Variants in USP49 observed in about 807,000 individuals in gnomAD.
The protein encoded by USP49 is ubiquitin carboxyl-terminal hydrolase 49.
A neutral mutation model predicts 58.6 loss-of-function variants in USP49; 24 were observed. The observed-to-expected ratio is 0.41, with a 90% CI of 0.30 to 0.58. USP49 has a LOEUF of 0.58. USP49 is among the 20% of genes least tolerant of loss of function. The probability of loss-of-function intolerance (pLI) is 0.30; values close to 1 mark genes in which losing one functional copy is unlikely to be tolerated. For missense variants in USP49, 703 were observed against 866.1 expected (o/e 0.81, Z 2.36); for synonymous variants, 408 against 365.1 (o/e 1.12, Z -1.34).
chr6:41,883,682 C>A (rs780922332), intron 2 of USP49, among the ~76,000 whole-genome samples: 1 of 151,724 alleles, frequency 6.6e-6, no homozygotes, highest in African/African-American at 2.4e-5. Context: ...TACTAAAAGG[C>A]CAAAATTAGA....
At chr6:41,840,105 T>C (rs2127346265) in intron 3 of USP49, among the ~76,000 whole-genome samples, 1 of 151,432 alleles carries the variant, frequency 6.6e-6, no homozygotes, top group East Asian at 1.9e-4. Flanking sequence ...CCGGGCACGG[T>C]GGCTCATGCC....
At position 41,796,300 on chromosome 6, in the gene USP49, G is replaced by A; in HGVS notation, c.*233C>T. Reference sequence around the variant, plus strand: ...TATATTCAGAAGCAACTGATGAAAGGATCTTCATAGAAGTTACTTCTTTTG... The same window carrying A: ...TATATTCAGAAGCAACTGATGAAAGAATCTTCATAGAAGTTACTTCTTTTG... On this transcript the variant is annotated 3_prime_UTR_variant, in exon 8 of 8. Coordinates refer to ENST00000682992, the MANE Select transcript of USP49 (RefSeq NM_001286554.2). The A allele has an allele frequency of 2.3e-6, 1 of 443,430 alleles. No individual in the cohort carries two copies. Among genetic ancestry groups the A allele is most frequent in the South Asian group, 4.4e-5 (1 of 22,866 alleles). 27.5% of individuals were successfully genotyped at this position (443,430 alleles called of 1,614,324 possible).
At chr6:41,844,884 G>C (rs1395498943) in intron 3 of USP49, among the ~76,000 whole-genome samples, 1 of 151,892 alleles carries the variant, frequency 6.6e-6, no homozygotes, top group Admixed American at 6.6e-5. Flanking sequence ...AGATTTCTGG[G>C]GTTTTTTGTT....
intron 6 of USP49, 57 bp from the exon 7 acceptor site, chr6:41,798,986 A>G: frequency 6.4e-7 from 1 of 1,566,540 alleles, no homozygotes; most frequent in Admixed American, 2.0e-5. Context: ...AATCGTAGGT[A>G]GAGGTAGGTA....
At chr6:41,893,347 T>C (rs952173985) in intron 1 of USP49, among the ~76,000 whole-genome samples, 1 of 152,186 alleles carries the variant, frequency 6.6e-6, no homozygotes, top group East Asian at 1.9e-4. Context: ...CCCAGTAAAC[T>C]TCCTTGGTTG....
chr6:41,806,990 T>C lies in USP49; in HGVS notation c.-7A>G, dbSNP rs766715124. The C allele has an allele frequency of 3.1e-5, 46 of 1,488,980 alleles. No homozygotes were observed. Among genetic ancestry groups the C allele is most frequent in the East Asian group, 1.2e-4 (5 of 42,184 alleles). 92.2% of individuals were successfully genotyped at this position (1,488,980 alleles called of 1,614,324 possible). On this transcript the variant is annotated 5_prime_UTR_variant, in exon 4 of 8. Coordinates refer to ENST00000682992, the MANE Select transcript of USP49 (RefSeq NM_001286554.2). This position sits in a 1 kb window ranked among gnomAD's most constrained non-coding sequence, Gnocchi z 5.9. ...CATGTTTGCATCTATCCATGTCTTA[T>C]AGAAGTCGCCACTTTCTCAACCTGG...
chr6:41,868,251 G>A (rs1774354872), intron 3 of USP49, among the ~76,000 whole-genome samples: 1 of 152,186 alleles, frequency 6.6e-6, no homozygotes, highest in Admixed American at 6.5e-5. Context: ...ATGAATAAAT[G>A]AGTAAAGCAC....
At chr6:41,798,219 C>T in intron 7 of USP49, 1 of 163,148 alleles carries the variant, frequency 6.1e-6, no homozygotes, top group South Asian at 1.6e-4. Flanking sequence ...ATTCTTAGAA[C>T]AACCATATGT....
chr6:41,885,455 A>C (rs1281319784), intron 2 of USP49, among the ~76,000 whole-genome samples: 1 of 152,202 alleles, frequency 6.6e-6, no homozygotes, highest in African/African-American at 2.4e-5. Context: ...ACAGCTGCCT[A>C]TAAGGCTCTA....
chr6:41,798,492 T>G (rs572984623), intron 7 of USP49: 481 of 1,241,934 alleles, frequency 3.9e-4, no homozygotes, highest in Non-Finnish European at 4.9e-4. Flanking sequence ...GCCAGGCTGG[T>G]CTCGAACTCC....
intron 2 of USP49, among the ~76,000 whole-genome samples, chr6:41,888,948 G>A (rs1436392584): frequency 2.0e-5 from 3 of 151,912 alleles, no homozygotes; most frequent in East Asian, 3.9e-4. Context: ...AGGTTTATTT[G>A]GGGGGAAGGT....
intron 3 of USP49, among the ~76,000 whole-genome samples, chr6:41,870,563 G>C (rs896776331): frequency 1.3e-5 from 2 of 151,572 alleles, no homozygotes; most frequent in Non-Finnish European, 2.9e-5. Context: ...TTTTAAGAAG[G>C]TCTTGCTCTG....
chr6:41,798,550 A>G (rs918674457), intron 7 of USP49, 174 bp downstream of exon 7: 3 of 1,519,566 alleles, frequency 2.0e-6, no homozygotes, highest in Non-Finnish European at 2.7e-6. Flanking sequence ...CGCTAGGATT[A>G]CAGGTGTGAG....
chr6:41,802,451 TATTTATTTATTTATTTA>T (rs1385336747), intron 5 of USP49, among the ~76,000 whole-genome samples: 31 of 88,394 alleles, frequency 3.5e-4, no homozygotes, highest in Admixed American at 5.9e-4. Flanking sequence ...TTTATTTATT[TATTTATTTATTTATTTA>T]TTTTTTATTT....
intron 3 of USP49, among the ~76,000 whole-genome samples, chr6:41,858,997 G>C (rs1380709488): frequency 6.6e-6 from 1 of 152,118 alleles, no homozygotes; most frequent in East Asian, 1.9e-4. Flanking sequence ...CTTATTTTCT[G>C]AAAGAATGAA....
In USP49 at chr6:41,797,747, CTG is replaced by C. The variant is rs1253899505; in HGVS notation, c.1876+975_1876+976del. The C allele has an allele frequency of 4.1e-6, 4 of 985,816 alleles. No homozygotes were observed. The African/African-American group carries it at 7.0e-5, about 17-fold the overall frequency. The allele number at this position is 985,816 out of a possible 1,614,324, so 61.1% of individuals were successfully genotyped here. ...TGTTTCTGCATAACCAAGAAGGAAACTGGGGTGTGCAGAAGTAGCATTACCAC... is the reference window on the plus strand; with the variant it reads ...TGTTTCTGCATAACCAAGAAGGAAACGGGTGTGCAGAAGTAGCATTACCAC... On this transcript the variant is annotated intron_variant, in intron 7 of 7. Transcript: ENST00000682992.
At chr6:41,852,236 A>G (rs1335789823) in intron 3 of USP49, among the ~76,000 whole-genome samples, 1 of 152,032 alleles carries the variant, frequency 6.6e-6, no homozygotes, top group African/African-American at 2.4e-5. Flanking sequence ...GAGGCAGGAG[A>G]ATTACTTGAA....
chr6:41,895,079 G>GCCGCCGCTCCTC (rs1287621577), intron 1 of USP49, among the ~76,000 whole-genome samples: 1 of 121,256 alleles, frequency 8.2e-6, no homozygotes, highest in African/African-American at 3.2e-5. Flanking sequence ...CCCGCCCCCT[G>GCCGCCGCTCCTC]CCGCCGCTCC....
At chr6:41,818,090 C>G (rs1357636880) in intron 3 of USP49, among the ~76,000 whole-genome samples, 1 of 152,132 alleles carries the variant, frequency 6.6e-6, no homozygotes, top group East Asian at 1.9e-4. Flanking sequence ...TCATCCAGAT[C>G]TCCTGGTGAT....
Sources: allele counts gnomAD v4.1 joint callset (sites outside exome capture counted in the v4.1 genomes callset), GRCh38; gene constraint gnomAD v4.1.1; non-coding constraint Gnocchi (gnomAD v3.1); transcripts MANE v1.5; gene names NCBI Gene and HGNC (gene_info 2026-07-23, HGNC 2026-07-21).